FOCAD: variants seen among roughly 807,000 people sequenced by gnomAD.
FOCAD encodes focadhesin, also known as KIAA1797.
FOCAD carries 198 observed loss-of-function variants against 225.6 expected under a neutral mutation model. The observed-to-expected ratio is 0.88, with a 90% CI of 0.78 to 0.99. The LOEUF (loss-of-function observed/expected upper bound fraction) is 0.99. Ranked by LOEUF, FOCAD falls within the 50% of genes least tolerant of loss-of-function variation. The pLI is 0.00. For synonymous variants in FOCAD, 897 were observed against 755.0 expected, an observed-to-expected ratio of 1.19 and a Z score of -3.08; for missense variants, 2,713 against 2,123.6, an observed-to-expected ratio of 1.28 and a Z score of -5.46.
In FOCAD at chr9:20,806,391, T is replaced by C. The variant is rs866757928; in HGVS notation, c.1456-13405T>C. ...TGCTTTGTTCAGCCCAAGGTTGTTA[T>C]TTCTGAAGATGCTAGGAATCTGGAA... On this transcript the variant is annotated intron_variant, in intron 11 of 43. Transcript: ENST00000338382. Among the ~76,000 whole-genome samples the C allele has an allele frequency of 5.3e-5, 8 of 152,314 alleles. No homozygotes were observed. The Middle Eastern group carries it at 0.02, about 389-fold the overall frequency.
chr9:20,885,286 T>C, intron 21 of FOCAD, 56 bp downstream of exon 21: 2 of 1,328,878 alleles, frequency 1.5e-6, no homozygotes, highest in Non-Finnish European at 1.9e-6. Context: ...TCATGATATG[T>C]TTAAGAAGTT....
chr9:20,835,542 G>A (rs1825911475), intron 15 of FOCAD, among the ~76,000 whole-genome samples: 1 of 152,008 alleles, frequency 6.6e-6, no homozygotes, highest in African/African-American at 2.4e-5. Flanking sequence ...TTTCTGAAAG[G>A]TAATTCTCTA....
intron 27 of FOCAD, among the ~76,000 whole-genome samples, chr9:20,932,048 A>G (rs953677453): frequency 6.6e-6 from 1 of 152,142 alleles, no homozygotes; most frequent in African/African-American, 2.4e-5. Flanking sequence ...TGCTTCTGTC[A>G]TAACCCCCAG....
intron 5 of FOCAD, among the ~76,000 whole-genome samples, chr9:20,741,335 A>G (rs1428592818): frequency 6.6e-6 from 1 of 152,136 alleles, no homozygotes; most frequent in South Asian, 2.1e-4. Flanking sequence ...CTTTTTGATA[A>G]TAAGTAAACA....
chr9:20,843,114 T>G (rs1826709033), intron 15 of FOCAD, among the ~76,000 whole-genome samples: 1 of 152,070 alleles, frequency 6.6e-6, no homozygotes, highest in Admixed American at 6.6e-5. Flanking sequence ...TTTTTAGTTT[T>G]TCTACTCAAG....
At chr9:20,876,630 G>GTAAT in intron 19 of FOCAD, among the ~76,000 whole-genome samples, 1 of 152,034 alleles carries the variant, frequency 6.6e-6, no homozygotes, top group East Asian at 1.9e-4. Context: ...GAGTGAGGTG[G>GTAAT]GTGATCTAGA....
At chr9:20,681,203 T>C (rs754278246), upstream of FOCAD, among the ~76,000 whole-genome samples, 2 of 152,234 alleles carry the variant, frequency 1.3e-5, no homozygotes, top group African/African-American at 2.4e-5. Context: ...TTAAGCTTAC[T>C]AAAATAAAAT....
chr9:20,778,684 T>A lies in FOCAD; in HGVS notation c.910T>A (p.Phe304Ile). The A allele has an allele frequency of 6.2e-7, 1 of 1,602,726 alleles. No individual in the cohort carries two copies. Among genetic ancestry groups the A allele is most frequent in the Non-Finnish European group, 8.5e-7 (1 of 1,170,334 alleles). Residue 304 changes from phenylalanine to isoleucine, a missense_variant, in exon 9 of 44, where the codon TTT (phenylalanine) becomes ATT (isoleucine). Transcript: ENST00000338382. ...EHSVELLKED[F>I]PVELVIIGIA... Reference sequence around the variant, plus strand: ...TTTTCCCCCTCTATTCTTTTAGGATTTTCCTGTTGAACTGGTCATAATTGG... The same window carrying A: ...TTTTCCCCCTCTATTCTTTTAGGATATTCCTGTTGAACTGGTCATAATTGG...
intron 36 of FOCAD, among the ~76,000 whole-genome samples, chr9:20,977,028 T>A (rs1326816510): frequency 6.6e-6 from 1 of 152,180 alleles, no homozygotes; most frequent in African/African-American, 2.4e-5. Flanking sequence ...TATCAGCAAA[T>A]TAGAATTTCT....
chr9:20,855,734 A>G (rs554071618), intron 15 of FOCAD, among the ~76,000 whole-genome samples: 31 of 149,392 alleles, frequency 2.1e-4, no homozygotes, highest in Non-Finnish European at 3.4e-4. Flanking sequence ...TTTCTGCTGT[A>G]TTCCCCAGCT....
intron 11 of FOCAD, among the ~76,000 whole-genome samples, chr9:20,801,220 A>G (rs181292750): frequency 4.6e-5 from 7 of 152,284 alleles, no homozygotes; most frequent in East Asian, 1.9e-4. Context: ...TCTAAGCTAG[A>G]TAATATAGAA....
Position 20,870,718 on chromosome 9 carries a change from C to T in FOCAD, c.2190+3706C>T, listed in dbSNP as rs76745312. On this transcript the variant is annotated intron_variant, in intron 18 of 43. Coordinates refer to ENST00000338382, the MANE Select transcript of FOCAD (RefSeq NM_001375567.1). ...TGTTCTGTGTTACCAGATGTTTCTG[C>T]CCATCTGTAGGCTAATGTAAGTGTT... is the stretch of plus-strand genomic sequence containing the variant. Among the ~76,000 whole-genome samples the T allele has an allele frequency of 2.3e-3, 351 of 152,226 alleles. 9 individuals are homozygous for T. In the East Asian group the frequency reaches 0.044, roughly 19 times the overall value.
chr9:20,662,141 T>C (rs1018990838), intron 2 of FOCAD, among the ~76,000 whole-genome samples: 4 of 152,310 alleles, frequency 2.6e-5, no homozygotes, highest in African/African-American at 9.6e-5. Flanking sequence ...ATTGTTTTTA[T>C]TTTTTAAATG....
At position 20,660,467 on chromosome 9, in the gene FOCAD, G is replaced by A. The variant is rs376540795; in HGVS notation, c.-78+1641G>A. Among the ~76,000 whole-genome samples, 8 of 152,298 alleles carry A rather than the reference G, an allele frequency of 5.3e-5. No individual in the cohort carries two copies. The South Asian group carries it at 1.7e-3, about 32-fold the overall frequency. On this transcript the variant is annotated intron_variant, in intron 2 of 45. Transcript: ENST00000380249. Reference sequence around the variant, plus strand: ...GGTGATTTGCCTCTTCATGTAGTTGGTAGTTAAAATTATGGAAAAATATTC... The same window carrying A: ...GGTGATTTGCCTCTTCATGTAGTTGATAGTTAAAATTATGGAAAAATATTC...
At chr9:20,960,234 A>G (rs796346830) in intron 35 of FOCAD, among the ~76,000 whole-genome samples, 1 of 152,160 alleles carries the variant, frequency 6.6e-6, no homozygotes, top group Non-Finnish European at 1.5e-5. Context: ...GGTTTGCCTG[A>G]TATTTCTCAT....
At chr9:20,849,895 T>C (rs1827482796) in intron 15 of FOCAD, among the ~76,000 whole-genome samples, 2 of 151,892 alleles carry the variant, frequency 1.3e-5, no homozygotes, top group Admixed American at 1.3e-4. Context: ...TGCTCTCAGG[T>C]ATAAAAATTT....
chr9:20,950,421 C>G (rs1837583933), intron 33 of FOCAD, among the ~76,000 whole-genome samples: 1 of 151,998 alleles, frequency 6.6e-6, no homozygotes, highest in Non-Finnish European at 1.5e-5. Flanking sequence ...CTTTTAAAAG[C>G]AAACAAAAAT....
chr9:20,889,632 C>G (rs1481978836), intron 21 of FOCAD, among the ~76,000 whole-genome samples: 1 of 152,162 alleles, frequency 6.6e-6, no homozygotes, highest in African/African-American at 2.4e-5. Flanking sequence ...ACATACATAG[C>G]TGAATAACTT....
intron 18 of FOCAD, among the ~76,000 whole-genome samples, chr9:20,872,566 C>T (rs1829881165): frequency 1.3e-5 from 2 of 148,848 alleles, no homozygotes; most frequent in South Asian, 4.3e-4. Context: ...GCCTACATAC[C>T]TTCCTCCCTC....
Sources: allele counts gnomAD v4.1 joint callset (sites outside exome capture counted in the v4.1 genomes callset), GRCh38; gene constraint gnomAD v4.1.1; transcripts MANE v1.5; gene names NCBI Gene and HGNC (gene_info 2026-07-23, HGNC 2026-07-21).